The following CPED1 variants were observed in gnomAD, a reference collection of about 807,000 sequenced individuals.
CPED1 encodes the protein cadherin like and PC-esterase domain containing 1.
In CPED1, 114 loss-of-function variants were observed where a neutral mutation model predicts 128.2. The observed-to-expected ratio is 0.89, with a 90% CI of 0.76 to 1.04. CPED1 has a LOEUF of 1.04. CPED1 is among the 50% of genes least tolerant of loss of function. The probability of loss-of-function intolerance (pLI) is 0.00; values close to 1 mark genes in which losing one functional copy is unlikely to be tolerated. For missense variants in CPED1, 1,211 were observed against 1,207.1 expected (o/e 1.00, Z -0.05); for synonymous variants, 462 against 426.7 (o/e 1.08, Z -1.02).
chr7:121,059,935 G>C (rs542470230), intron 4 of CPED1, among the ~76,000 whole-genome samples: 1 of 152,226 alleles, frequency 6.6e-6, no homozygotes, highest in Non-Finnish European at 1.5e-5. Context: ...GGCCAAGACC[G>C]GAGCCGTCTC....
At chr7:121,177,389 C>T (rs1335348197) in intron 16 of CPED1, among the ~76,000 whole-genome samples, 4 of 151,982 alleles carry the variant, frequency 2.6e-5, no homozygotes, top group African/African-American at 9.6e-5. Flanking sequence ...TTTCTCTATC[C>T]GACTTTACAA....
At chr7:121,079,467 A>G (rs754426025) in intron 5 of CPED1, among the ~76,000 whole-genome samples, 1 of 152,234 alleles carries the variant, frequency 6.6e-6, no homozygotes, top group Non-Finnish European at 1.5e-5. Flanking sequence ...GATACTGCCC[A>G]CTGGCTACCC....
At chr7:121,016,863 G>T (rs541011471) in intron 3 of CPED1, among the ~76,000 whole-genome samples, 26 of 152,266 alleles carry the variant, frequency 1.7e-4, no homozygotes, top group African/African-American at 6.0e-4. Flanking sequence ...TGAGTTAAGT[G>T]CTCTCAGCCA....
chr7:121,052,126 T>A (rs1201243470), intron 4 of CPED1: 1 of 152,224 alleles, frequency 6.6e-6, no homozygotes, highest in Non-Finnish European at 1.5e-5. Context: ...CCATACTACT[T>A]TGGCTGCCAC....
intron 16 of CPED1, among the ~76,000 whole-genome samples, chr7:121,212,696 G>A (rs202072113): frequency 1.3e-5 from 2 of 150,898 alleles, no homozygotes; most frequent in African/African-American, 2.4e-5. Flanking sequence ...GAATTCATTG[G>A]AAAAAAAAAT....
At chr7:121,199,844 G>C (rs1262311372) in intron 16 of CPED1, among the ~76,000 whole-genome samples, 3 of 151,964 alleles carry the variant, frequency 2.0e-5, no homozygotes, top group African/African-American at 7.2e-5. Flanking sequence ...AAAAAGTAAA[G>C]AGGTGAAGTT....
In CPED1 at chr7:120,989,792, G is replaced by C. The variant is rs758534415; in HGVS notation, c.171G>C (p.Gln57His). The C allele has an allele frequency of 6.2e-7, 1 of 1,613,912 alleles. No individual in the cohort carries two copies. Among genetic ancestry groups the C allele is most frequent in the East Asian group, 2.2e-5 (1 of 44,874 alleles). ...TCCCACACACATCCACTGAAACCCA[G>C]GCAAGCAGATGCAAGAAAGGATTCT... Reference protein sequence around the residue: ...GAVPHTSTETQASRCKKGFSQ... With the variant: ...GAVPHTSTETHASRCKKGFSQ... Residue 57 changes from glutamine to histidine, a missense_variant, in exon 2 of 23, where the codon CAG (glutamine) becomes CAC (histidine). Transcript: ENST00000310396.
intron 7 of CPED1, among the ~76,000 whole-genome samples, chr7:121,121,642 A>G (rs1409068086): frequency 6.6e-6 from 1 of 152,202 alleles, no homozygotes; most frequent in Non-Finnish European, 1.5e-5. Flanking sequence ...AGTGTTGATA[A>G]GGAGAGGAAG....
chr7:121,081,735 G>A (rs1794299995), intron 5 of CPED1, among the ~76,000 whole-genome samples: 1 of 152,152 alleles, frequency 6.6e-6, no homozygotes, highest in African/African-American at 2.4e-5. Context: ...AGCATAATTA[G>A]TACTCGCTTT....
intron 14 of CPED1, 152 bp downstream of exon 14, chr7:121,136,242 C>A: frequency 1.4e-6 from 1 of 732,920 alleles, no homozygotes. Context: ...CCAATGGAGT[C>A]AGTATCTATC....
intron 5 of CPED1, among the ~76,000 whole-genome samples, chr7:121,076,005 A>G (rs755831355): frequency 6.6e-6 from 1 of 152,176 alleles, no homozygotes; most frequent in Non-Finnish European, 1.5e-5. Flanking sequence ...CTCCCCCACA[A>G]GGACTGAGAC....
At chr7:121,024,622 T>G (rs968546042) in intron 3 of CPED1, among the ~76,000 whole-genome samples, 2 of 152,230 alleles carry the variant, frequency 1.3e-5, no homozygotes, top group African/African-American at 4.8e-5. Flanking sequence ...CTTTTATTTT[T>G]AAGGAAAAAT....
chr7:121,186,578 C>T (rs1227089968), intron 16 of CPED1, among the ~76,000 whole-genome samples: 1 of 152,028 alleles, frequency 6.6e-6, no homozygotes, highest in Non-Finnish European at 1.5e-5. Context: ...CCAAGATTAT[C>T]AAAATCAAAT....
At chr7:121,097,962 T>C in intron 6 of CPED1, 131 bp downstream of exon 6, 1 of 864,684 alleles carries the variant, frequency 1.2e-6, no homozygotes, top group East Asian at 2.7e-5. Context: ...AATTTTCAGC[T>C]ATCCTTTTTA....
chr7:121,288,963 T>C (rs1005733736), intron 22 of CPED1, among the ~76,000 whole-genome samples: 1 of 152,210 alleles, frequency 6.6e-6, no homozygotes, highest in Non-Finnish European at 1.5e-5. Context: ...AAACCTCCTC[T>C]AAAACTGACA....
chr7:121,249,306 C>T (rs1243932153), intron 18 of CPED1, among the ~76,000 whole-genome samples: 1 of 152,052 alleles, frequency 6.6e-6, no homozygotes, highest in African/African-American at 2.4e-5. Flanking sequence ...TTAACATGCA[C>T]ATTCAAAAAA....
At chr7:121,280,578 T>G (rs1792442864) in intron 22 of CPED1, among the ~76,000 whole-genome samples, 2 of 152,204 alleles carry the variant, frequency 1.3e-5, no homozygotes, top group African/African-American at 4.8e-5. Flanking sequence ...AAGAAAGTTT[T>G]AGTCTTGCCC....
intron 18 of CPED1, among the ~76,000 whole-genome samples, chr7:121,246,645 TTGG>T (rs1280806266): frequency 6.6e-6 from 1 of 152,168 alleles, no homozygotes; most frequent in Non-Finnish European, 1.5e-5. Context: ...TAGCATCACA[TTGG>T]AGATTAGTGT....
intron 18 of CPED1, among the ~76,000 whole-genome samples, chr7:121,260,904 A>G (rs1269911107): frequency 6.6e-6 from 1 of 151,748 alleles, no homozygotes; most frequent in Non-Finnish European, 1.5e-5. Flanking sequence ...AATGATTTTA[A>G]TTTTTTTTCT....
Sources: allele counts gnomAD v4.1 joint callset (sites outside exome capture counted in the v4.1 genomes callset), GRCh38; gene constraint gnomAD v4.1.1; transcripts MANE v1.5; gene names NCBI Gene and HGNC (gene_info 2026-07-23, HGNC 2026-07-21).